The following LINGO2 variants were observed in gnomAD, a reference collection of about 807,000 sequenced individuals.
LINGO2 encodes the protein leucine-rich repeat and immunoglobulin-like domain-containing nogo receptor-interacting protein 2.
In LINGO2, 14 loss-of-function variants were observed where a neutral mutation model predicts 30.6. The ratio of observed to expected loss-of-function variants is 0.46; its 90% CI spans 0.30 to 0.72. LINGO2 has a LOEUF of 0.72. Among genes scored for constraint, LINGO2 ranks in the 30% least tolerant of loss-of-function variants. LINGO2 has a pLI of 0.07. For synonymous variants in LINGO2, 317 were observed against 288.5 expected (o/e 1.10, Z -1.00); for missense variants, 729 against 751.7 (o/e 0.97, Z 0.35).
intron 1 of LINGO2, among the ~76,000 whole-genome samples, chr9:28,506,522 A>ATATATATATATATG (rs1564250917): frequency 7.3e-6 from 1 of 136,456 alleles, no homozygotes. Flanking sequence ...ATATATATAT[A>ATATATATATATATG]AACTGTTGGG....
intron 2 of LINGO2, among the ~76,000 whole-genome samples, chr9:28,437,683 T>C (rs1017831393): frequency 1.3e-5 from 2 of 151,900 alleles, no homozygotes; most frequent in South Asian, 2.1e-4. Context: ...TGATGCCATC[T>C]CCAATTGTTA....
At chr9:28,661,575 T>C (rs957241805) in intron 1 of LINGO2, among the ~76,000 whole-genome samples, 1 of 152,180 alleles carries the variant, frequency 6.6e-6, no homozygotes, top group Non-Finnish European at 1.5e-5. Flanking sequence ...TCTTTTGTTG[T>C]GAAAGTACTC....
At chr9:28,619,080 A>G (rs1242968756) in intron 1 of LINGO2, among the ~76,000 whole-genome samples, 3 of 152,140 alleles carry the variant, frequency 2.0e-5, no homozygotes, top group Non-Finnish European at 4.4e-5. Context: ...TTGAGTAATA[A>G]TATCTCTCCT....
the LINGO2 span, among the ~76,000 whole-genome samples, chr9:29,135,159 T>C: frequency 6.6e-6 from 1 of 152,214 alleles, no homozygotes; most frequent in Non-Finnish European, 1.5e-5. Context: ...TTTTCATGTA[T>C]TAATTGTTTC....
chr9:29,048,442 G>A, the LINGO2 span, among the ~76,000 whole-genome samples: 17,420 of 149,318 alleles, frequency 0.12, 1,156 homozygotes, highest in East Asian at 0.27. Context: ...GAAAAACAAT[G>A]ATATTATTCA....
At chr9:28,622,822 T>A (rs1826471727) in intron 1 of LINGO2, among the ~76,000 whole-genome samples, 1 of 151,934 alleles carries the variant, frequency 6.6e-6, no homozygotes, top group Non-Finnish European at 1.5e-5. Flanking sequence ...TACAAATGTT[T>A]CCTTTTCTCC....
chr9:28,240,148 G>T (rs1462997187), intron 4 of LINGO2, among the ~76,000 whole-genome samples: 1 of 152,058 alleles, frequency 6.6e-6, no homozygotes, highest in Non-Finnish European at 1.5e-5. Flanking sequence ...AAAGTGGAAA[G>T]ATATTCCATG....
the LINGO2 span, among the ~76,000 whole-genome samples, chr9:29,162,496 A>C: frequency 6.6e-6 from 1 of 152,164 alleles, no homozygotes; most frequent in African/African-American, 2.4e-5. Context: ...GCCCAAGCAC[A>C]TGGAGAGCAC....
At chr9:28,695,626 A>G in the LINGO2 span, among the ~76,000 whole-genome samples, 50 of 152,000 alleles carry the variant, frequency 3.3e-4, no homozygotes, top group Non-Finnish European at 5.3e-4. Flanking sequence ...ATGCCTGTCA[A>G]TAAGTGGGCA....
chr9:28,123,881 T>C (rs1827167600), intron 4 of LINGO2, among the ~76,000 whole-genome samples: 1 of 152,152 alleles, frequency 6.6e-6, no homozygotes, highest in South Asian at 2.1e-4. Context: ...TTAGCCAGGA[T>C]GGTCTTGATT....
chr9:28,557,767 C>T (rs1445262923), intron 1 of LINGO2, among the ~76,000 whole-genome samples: 1 of 151,356 alleles, frequency 6.6e-6, no homozygotes, highest in South Asian at 2.1e-4. Flanking sequence ...AAATGATAGA[C>T]TGGATTAAGA....
At chr9:28,558,140 G>A (rs1407832184) in intron 1 of LINGO2, among the ~76,000 whole-genome samples, 11 of 148,660 alleles carry the variant, frequency 7.4e-5, no homozygotes, top group Non-Finnish European at 1.5e-4. Context: ...AAAACTTAAA[G>A]TATAATAAAA....
chr9:28,241,014 T>C (rs1399491790), intron 4 of LINGO2, among the ~76,000 whole-genome samples: 1 of 152,022 alleles, frequency 6.6e-6, no homozygotes, highest in Non-Finnish European at 1.5e-5. Flanking sequence ...CTCACGCCTG[T>C]AATTCCAACA....
At chr9:28,481,121 C>T (rs368417353) in intron 1 of LINGO2, among the ~76,000 whole-genome samples, 9 of 152,120 alleles carry the variant, frequency 5.9e-5, no homozygotes, top group African/African-American at 1.9e-4. Flanking sequence ...AAAGCCTGGG[C>T]TCAAAGTCTT....
At chr9:28,891,997 C>T in the LINGO2 span, among the ~76,000 whole-genome samples, 1 of 151,742 alleles carries the variant, frequency 6.6e-6, no homozygotes, top group Admixed American at 6.6e-5. Context: ...CTATCCTTAT[C>T]CCAGTGTCTG....
intron 3 of LINGO2, among the ~76,000 whole-genome samples, chr9:28,317,736 A>G (rs560294943): frequency 6.6e-6 from 1 of 152,300 alleles, no homozygotes; most frequent in East Asian, 1.9e-4. Context: ...AAAATGAAAT[A>G]TTATATTAAT....
intron 4 of LINGO2, among the ~76,000 whole-genome samples, chr9:28,053,703 T>G (rs78245494): frequency 1.3e-5 from 2 of 152,220 alleles, no homozygotes; most frequent in African/African-American, 4.8e-5. Flanking sequence ...TCATGAAATC[T>G]TGATATAATA....
the LINGO2 span, among the ~76,000 whole-genome samples, chr9:29,090,968 C>T: frequency 6.6e-6 from 1 of 152,014 alleles, no homozygotes; most frequent in African/African-American, 2.4e-5. Context: ...ATAATTCCTA[C>T]ATGCACAGTT....
chr9:28,128,133 A>G (rs1827290857), intron 4 of LINGO2, among the ~76,000 whole-genome samples: 1 of 152,210 alleles, frequency 6.6e-6, no homozygotes, highest in Non-Finnish European at 1.5e-5. Context: ...TTAAAAATAT[A>G]CCCATAGAGA....
Sources: allele counts gnomAD v4.1 joint callset (sites outside exome capture counted in the v4.1 genomes callset), GRCh38; gene constraint gnomAD v4.1.1; transcripts MANE v1.5; gene names NCBI Gene and HGNC (gene_info 2026-07-23, HGNC 2026-07-21).